Variants in CABCOCO1 observed in about 807,000 individuals in gnomAD.
The protein encoded by CABCOCO1 is ciliary associated calcium binding coiled-coil 1.
Under a neutral mutation model 35.7 loss-of-function variants are expected in CABCOCO1, and 28 were observed. The ratio of observed to expected loss-of-function variants is 0.78; its 90% confidence interval spans 0.58 to 1.07. The LOEUF is 1.07. Ranked by LOEUF, CABCOCO1 falls within the 50% of genes least tolerant of loss-of-function variation. CABCOCO1 has a pLI of 0.00. For missense variants in CABCOCO1, 326 were observed against 309.2 expected (o/e 1.05, Z -0.41); for synonymous variants, 95 against 100.1 (o/e 0.95, Z 0.30).
intron 2 of CABCOCO1, 73 bp downstream of exon 2, chr10:61,672,808 C>T: frequency 4.6e-6 from 4 of 872,034 alleles, no homozygotes; most frequent in Non-Finnish European, 5.5e-6. Flanking sequence ...ATTGTGATTA[C>T]ATGTATAAGC....
rs182974931 is a variant in CABCOCO1, at chr10:61,763,019, T to G, written c.816+2016T>G. 2.0e-5 allele frequency among the ~76,000 whole-genome samples: 3 copies of G among 152,180 alleles called. No individual in the cohort carries two copies. The East Asian group carries it at 5.8e-4, about 29-fold the overall frequency. ...CTGGCTCTAAGAACTGCCATATCCC[T>G]TTTCAAAGGTAGCTATGTGTCAGTG... On this transcript the variant is annotated intron_variant, in intron 7 of 7. Transcript: ENST00000648843.
intron 5 of CABCOCO1, among the ~76,000 whole-genome samples, chr10:61,746,622 A>C (rs924879907): frequency 6.6e-6 from 1 of 152,096 alleles, no homozygotes; most frequent in African/African-American, 2.4e-5. Flanking sequence ...AGTAATTTCC[A>C]TCTTGTGTTC....
At chr10:61,695,173 G>T (rs1378476594) in intron 5 of CABCOCO1, among the ~76,000 whole-genome samples, 1 of 151,000 alleles carries the variant, frequency 6.6e-6, no homozygotes, top group Non-Finnish European at 1.5e-5. Context: ...GATAAAAAAA[G>T]ATTACAATAT....
At chr10:61,694,219 G>A (rs1345759257) in intron 5 of CABCOCO1, among the ~76,000 whole-genome samples, 1 of 149,878 alleles carries the variant, frequency 6.7e-6, no homozygotes, top group Non-Finnish European at 1.5e-5. Flanking sequence ...GTCAGAAAAA[G>A]GGAGATTTGA....
intron 5 of CABCOCO1, among the ~76,000 whole-genome samples, chr10:61,695,076 T>C (rs1564538249): frequency 1.3e-5 from 2 of 151,986 alleles, no homozygotes; most frequent in African/African-American, 2.4e-5. Flanking sequence ...AGACCACAAG[T>C]GCTCCAGATG....
intron 5 of CABCOCO1, among the ~76,000 whole-genome samples, chr10:61,744,383 T>C (rs1841611627): frequency 1.3e-5 from 2 of 152,190 alleles, no homozygotes; most frequent in African/African-American, 4.8e-5. Context: ...GTTCATATTT[T>C]ATAGTGAGGG....
intron 7 of CABCOCO1, among the ~76,000 whole-genome samples, chr10:61,761,674 T>A (rs1453042984): frequency 6.6e-6 from 1 of 152,136 alleles, no homozygotes; most frequent in Non-Finnish European, 1.5e-5. Context: ...ATATTTTGAG[T>A]ACATTTGCAA....
At chr10:61,666,853 A>G (rs1839188911) in intron 1 of CABCOCO1, among the ~76,000 whole-genome samples, 1 of 148,558 alleles carries the variant, frequency 6.7e-6, no homozygotes, top group African/African-American at 2.5e-5. Flanking sequence ...AATGGACAAA[A>G]TAGGCAGCAG....
At chr10:61,725,357 C>A (rs1261026544) in intron 5 of CABCOCO1, among the ~76,000 whole-genome samples, 1 of 152,130 alleles carries the variant, frequency 6.6e-6, no homozygotes, top group Non-Finnish European at 1.5e-5. Flanking sequence ...TTGGAACCAA[C>A]CCAAATGTCC....
intron 5 of CABCOCO1, among the ~76,000 whole-genome samples, chr10:61,736,346 A>ATCTTCTG (rs1189978948): frequency 3.3e-5 from 5 of 152,078 alleles, no homozygotes; most frequent in Admixed American, 3.3e-4. Context: ...TCCAGCCTCA[A>ATCTTCTG]TCTTCTGCAT....
At chr10:61,722,308 T>A (rs1010169461) in intron 5 of CABCOCO1, among the ~76,000 whole-genome samples, 2 of 152,196 alleles carry the variant, frequency 1.3e-5, no homozygotes, top group Non-Finnish European at 2.9e-5. Context: ...CAATGATGCA[T>A]TAAAGTTAGG....
At chr10:61,671,685 C>A (rs1398980923) in intron 1 of CABCOCO1, among the ~76,000 whole-genome samples, 1 of 152,168 alleles carries the variant, frequency 6.6e-6, no homozygotes, top group African/African-American at 2.4e-5. Flanking sequence ...AGCAGCCCAA[C>A]GCTTCATCCC....
chr10:61,681,110 A>G, intron 2 of CABCOCO1, 33 bp from the exon 3 acceptor site: 1 of 1,310,760 alleles, frequency 7.6e-7, no homozygotes, highest in Non-Finnish European at 1.0e-6. Context: ...ATCTAATCTG[A>G]ATTAATATGT....
At chr10:61,680,703 T>TTA (rs1564532880) in intron 2 of CABCOCO1, among the ~76,000 whole-genome samples, 3 of 87,276 alleles carry the variant, frequency 3.4e-5, no homozygotes, top group African/African-American at 1.5e-4. Flanking sequence ...CATATATATG[T>TTA]TATACATGTA....
chr10:61,760,312 C>T (rs1841983170), intron 6 of CABCOCO1, 131 bp downstream of exon 6: 2 of 1,263,450 alleles, frequency 1.6e-6, no homozygotes, highest in Non-Finnish European at 2.2e-6. Flanking sequence ...AAATATTTCT[C>T]TAAGTGTTGA....
At chr10:61,667,180 ATAT>A (rs949610438) in intron 1 of CABCOCO1, among the ~76,000 whole-genome samples, 30 of 145,804 alleles carry the variant, frequency 2.1e-4, no homozygotes, top group African/African-American at 5.5e-4. Context: ...AACATTTTAC[ATAT>A]TATATATAAA....
At chr10:61,744,071 G>A (rs1014493381) in intron 5 of CABCOCO1, among the ~76,000 whole-genome samples, 53 of 152,122 alleles carry the variant, frequency 3.5e-4, no homozygotes, top group African/African-American at 1.3e-3. Flanking sequence ...ACTTGGCTTG[G>A]AGTGCATGTT....
intron 5 of CABCOCO1, among the ~76,000 whole-genome samples, chr10:61,718,440 T>C (rs986777938): frequency 1.3e-5 from 2 of 152,204 alleles, no homozygotes; most frequent in African/African-American, 4.8e-5. Context: ...AGTTATGAAT[T>C]GTTTGTAAAA....
chr10:61,765,591 C>A (rs1165193913), intron 7 of CABCOCO1, among the ~76,000 whole-genome samples: 1 of 152,160 alleles, frequency 6.6e-6, no homozygotes, highest in Non-Finnish European at 1.5e-5. Context: ...CACAGCACTG[C>A]AATAACTGAG....
Sources: allele counts gnomAD v4.1 joint callset (sites outside exome capture counted in the v4.1 genomes callset), GRCh38; gene constraint gnomAD v4.1.1; transcripts MANE v1.5; gene names NCBI Gene and HGNC (gene_info 2026-07-23, HGNC 2026-07-21).